The following GRM8 variants were observed in gnomAD, a reference collection of about 807,000 sequenced individuals.
GRM8 encodes the protein metabotropic glutamate receptor 8.
In GRM8, 47 loss-of-function variants were observed where a neutral mutation model predicts 87.2. The observed-to-expected ratio is 0.54, with a 90% CI of 0.43 to 0.69. The LOEUF (loss-of-function observed/expected upper bound fraction) is 0.69, where lower values mean the gene tolerates loss of function less well. Ranked by LOEUF, GRM8 falls within the 30% of genes least tolerant of loss-of-function variation. The pLI is 0.00. For synonymous variants in GRM8, 396 were observed against 404.5 expected, an observed-to-expected ratio of 0.98 and a Z score of 0.25; for missense variants, 1,019 against 1,139.2, an observed-to-expected ratio of 0.89 and a Z score of 1.52.
chr7:126,537,010 G>A (rs1443169156), intron 8 of GRM8, among the ~76,000 whole-genome samples: 4 of 151,956 alleles, frequency 2.6e-5, no homozygotes, highest in East Asian at 1.9e-4. Context: ...ACCTATACTC[G>A]GTAGGTTTCA....
At chr7:127,073,355 C>T (rs147601177) in intron 3 of GRM8, among the ~76,000 whole-genome samples, 22 of 152,186 alleles carry the variant, frequency 1.4e-4, no homozygotes, top group African/African-American at 4.8e-4. Context: ...AGATGATCTG[C>T]GCCCCATCAG....
intron 7 of GRM8, among the ~76,000 whole-genome samples, chr7:126,722,844 A>G (rs1812528962): frequency 7.1e-6 from 1 of 140,802 alleles, no homozygotes; most frequent in East Asian, 2.0e-4. Context: ...TATTTGGCAC[A>G]GTGCTTGTGA....
chr7:126,874,116 TC>T (rs2130925106), intron 6 of GRM8, among the ~76,000 whole-genome samples: 1 of 152,190 alleles, frequency 6.6e-6, no homozygotes, highest in African/African-American at 2.4e-5. Context: ...TTGCCCTCTT[TC>T]CTGAGTTTCT....
chr7:126,713,915 A>C (rs911281951), intron 7 of GRM8, among the ~76,000 whole-genome samples: 2 of 151,930 alleles, frequency 1.3e-5, no homozygotes, highest in Non-Finnish European at 1.5e-5. Context: ...ACATTTTTAA[A>C]TTAAATAAAT....
chr7:126,787,162 T>C (rs749311841), intron 6 of GRM8, among the ~76,000 whole-genome samples: 2 of 152,208 alleles, frequency 1.3e-5, no homozygotes, highest in Non-Finnish European at 2.9e-5. Context: ...CACAGAAATA[T>C]TAATGACTGA....
intron 8 of GRM8, among the ~76,000 whole-genome samples, chr7:126,603,814 G>A (rs898558778): frequency 3.3e-5 from 5 of 151,900 alleles, no homozygotes; most frequent in African/African-American, 1.2e-4. Flanking sequence ...TTGCAAACAG[G>A]GAAACAGAGG....
intron 6 of GRM8, among the ~76,000 whole-genome samples, chr7:126,801,849 T>C (rs1206681996): frequency 6.6e-6 from 1 of 152,128 alleles, no homozygotes; most frequent in East Asian, 1.9e-4. Flanking sequence ...TCAGATTTTA[T>C]TGCTTTGTAC....
chr7:126,991,610 TTAAAA>T (rs1333980654), intron 3 of GRM8, among the ~76,000 whole-genome samples: 2 of 152,162 alleles, frequency 1.3e-5, no homozygotes, highest in Non-Finnish European at 2.9e-5. Context: ...ATTAAGATTG[TTAAAA>T]TAAACCAAAA....
intron 6 of GRM8, among the ~76,000 whole-genome samples, chr7:126,875,131 A>G (rs1799425847): frequency 6.6e-6 from 1 of 152,164 alleles, no homozygotes; most frequent in Non-Finnish European, 1.5e-5. Context: ...CTAATTTAGA[A>G]AGTCTCAAAA....
chr7:126,533,965 T>C (rs1467189678), intron 8 of GRM8, 78 bp from the exon 9 acceptor site: 1 of 1,036,182 alleles, frequency 9.7e-7, no homozygotes, highest in Non-Finnish European at 1.4e-6. Context: ...GGGTTTGTAA[T>C]GAATCACAGA....
At chr7:127,044,116 A>C (rs1435980309) in intron 3 of GRM8, among the ~76,000 whole-genome samples, 3 of 152,204 alleles carry the variant, frequency 2.0e-5, no homozygotes, top group Non-Finnish European at 4.4e-5. Flanking sequence ...AAGTGGGGGC[A>C]CCTGTGGAGG....
intron 9 of GRM8, among the ~76,000 whole-genome samples, chr7:126,502,831 A>G (rs1178373251): frequency 6.6e-6 from 1 of 152,044 alleles, no homozygotes; most frequent in Non-Finnish European, 1.5e-5. Context: ...AGTAGACATA[A>G]TTATTAAACA....
chr7:127,224,621 T>A (rs1797192837), intron 2 of GRM8, among the ~76,000 whole-genome samples: 1 of 152,058 alleles, frequency 6.6e-6, no homozygotes, highest in South Asian at 2.1e-4. Context: ...ATGGCAAAAA[T>A]ATATATAAAT....
At chr7:127,034,011 A>G (rs1817626005) in intron 3 of GRM8, among the ~76,000 whole-genome samples, 1 of 152,188 alleles carries the variant, frequency 6.6e-6, no homozygotes, top group Non-Finnish European at 1.5e-5. Flanking sequence ...AAAATTCTGA[A>G]TCTCTAAGAT....
intron 2 of GRM8, among the ~76,000 whole-genome samples, chr7:127,225,634 T>C (rs1313001645): frequency 6.7e-6 from 1 of 149,856 alleles, no homozygotes; most frequent in East Asian, 1.9e-4. Flanking sequence ...AAACTCTACC[T>C]ATAGATAGAT....
intron 7 of GRM8, among the ~76,000 whole-genome samples, chr7:126,745,291 C>T (rs1481954823): frequency 6.6e-6 from 1 of 151,582 alleles, no homozygotes; most frequent in Non-Finnish European, 1.5e-5. Context: ...CAACATTTTT[C>T]AGTCCTTGCT....
intron 3 of GRM8, among the ~76,000 whole-genome samples, chr7:127,051,339 C>T (rs939722154): frequency 4.5e-4 from 26 of 57,746 alleles, no homozygotes; most frequent in African/African-American, 2.8e-3. Context: ...CTTTTCCCTT[C>T]GTGGCAAAAA....
chr7:126,952,286 AC>A (rs1175441712), intron 3 of GRM8, among the ~76,000 whole-genome samples: 1 of 152,086 alleles, frequency 6.6e-6, no homozygotes, highest in East Asian at 1.9e-4. Context: ...AAGTTCATAC[AC>A]ATGGATATAA....
At chr7:127,059,548 G>C (rs17867750) in intron 3 of GRM8, among the ~76,000 whole-genome samples, 3,741 of 152,102 alleles carry the variant, frequency 0.025, 81 homozygotes, top group Non-Finnish European at 0.038. Flanking sequence ...TATTGGTCAG[G>C]CTGGTCTCTA....
Sources: gnomAD v4.1 joint callset for allele counts (sites outside exome capture counted in the v4.1 genomes callset) on GRCh38, gnomAD v4.1.1 for gene constraint, MANE v1.5 for transcripts, NCBI Gene and HGNC (gene_info 2026-07-23, HGNC 2026-07-21) for gene names.